KIAA0586: variants seen among roughly 807,000 people sequenced by gnomAD.
KIAA0586 encodes the protein KIAA0586.
KIAA0586 carries 144 observed loss-of-function variants against 169.8 expected under a neutral mutation model. That is an observed-to-expected ratio of 0.85 (90% confidence interval 0.74 to 0.97). The LOEUF (loss-of-function observed/expected upper bound fraction) is 0.97, where lower values mean the gene tolerates loss of function less well. Among genes scored for constraint, KIAA0586 ranks in the 50% least tolerant of loss-of-function variants. KIAA0586 has a pLI of 0.00. For synonymous variants in KIAA0586, 625 were observed against 612.4 expected (o/e 1.02, Z -0.30); for missense variants, 1,854 against 1,823.0 (o/e 1.02, Z -0.31).
Position 58,482,535 on chromosome 14 carries a change from C to G in KIAA0586, c.2967C>G (p.Ala989=). 2 of 1,546,054 alleles carry G rather than the reference C, an allele frequency of 1.3e-6. No homozygotes were observed. Among genetic ancestry groups the G allele is most frequent in the South Asian group, 2.5e-5 (2 of 80,966 alleles). Reference sequence around the variant, plus strand: ...TAGTGGAAGGAACAAGCAGTGGCGCCCTCCAGCTTTTTGTTGATGCTGGTG... The same window carrying G: ...TAGTGGAAGGAACAAGCAGTGGCGCGCTCCAGCTTTTTGTTGATGCTGGTG... ...SDIVEGTSSG[A]LQLFVDAGVP... is the part of the protein sequence containing the mutation. Residue 989 remains alanine, a synonymous_variant, in exon 21 of 31, where the codon GCC becomes GCG. Transcript: ENST00000652326.
chr14:58,531,162 CAAA>C (rs749963379), intron 29 of KIAA0586, among the ~76,000 whole-genome samples: 1 of 104,116 alleles, frequency 9.6e-6, no homozygotes, highest in Non-Finnish European at 2.0e-5. Context: ...CTAAAATGTA[CAAA>C]AAAAAAAAAA....
At chr14:58,476,432 C>G (rs935344775) in intron 19 of KIAA0586, among the ~76,000 whole-genome samples, 1 of 152,042 alleles carries the variant, frequency 6.6e-6, no homozygotes, top group Non-Finnish European at 1.5e-5. Context: ...GAAGAAAGGG[C>G]AGCTGGACAT....
At chr14:58,504,592 A>C (rs997742216) in intron 27 of KIAA0586, among the ~76,000 whole-genome samples, 1 of 152,228 alleles carries the variant, frequency 6.6e-6, no homozygotes, top group Non-Finnish European at 1.5e-5. Flanking sequence ...GCTTTCCACT[A>C]TAACAAAATT....
At chr14:58,553,538 T>G (rs1421344462), downstream of KIAA0586, among the ~76,000 whole-genome samples, 1 of 149,810 alleles carries the variant, frequency 6.7e-6, no homozygotes, top group East Asian at 1.9e-4. Flanking sequence ...ATATCTGGGT[T>G]TTTTTTTTTT....
Position 58,461,102 on chromosome 14 carries a change from T to G in KIAA0586, c.2001T>G (p.Phe667Leu). The G allele has an allele frequency of 6.2e-7, 1 of 1,611,912 alleles. No individual in the cohort carries two copies. Among genetic ancestry groups the G allele is most frequent in the South Asian group, 1.1e-5 (1 of 90,650 alleles). The change falls in exon 14 of 31, where the codon TTT (phenylalanine) becomes TTG (leucine). Residue 667 changes from phenylalanine to leucine, a missense_variant. Coordinates refer to ENST00000652326, the MANE Select transcript of KIAA0586 (RefSeq NM_001329943.3). ...TTAAAAAAGGACCATATCTCAGATT[T>G]AATTCTCCATCTCCTAAGTCCAGAC... ...STLKKGPYLR[F>L]NSPSPKSRPQ...
intron 6 of KIAA0586, among the ~76,000 whole-genome samples, chr14:58,444,812 G>A (rs1432282849): frequency 6.7e-6 from 1 of 148,958 alleles, no homozygotes; most frequent in East Asian, 2.0e-4. Flanking sequence ...TACTTGAACA[G>A]CTTTATAAAA....
intron 30 of KIAA0586, among the ~76,000 whole-genome samples, chr14:58,540,628 C>T (rs1231769099): frequency 2.6e-5 from 4 of 151,862 alleles, no homozygotes; most frequent in Non-Finnish European, 5.9e-5. Flanking sequence ...TTGTTTTTAC[C>T]TTAAATTATA....
At chr14:58,466,801 CATT>C (rs2040809405) in intron 15 of KIAA0586, among the ~76,000 whole-genome samples, 1 of 152,150 alleles carries the variant, frequency 6.6e-6, no homozygotes, top group South Asian at 2.1e-4. Flanking sequence ...TTGTTAATAT[CATT>C]ATGTCTTTGG....
intron 29 of KIAA0586, chr14:58,537,223 A>G (rs1254389824): frequency 3.0e-6 from 3 of 1,008,478 alleles, no homozygotes; most frequent in Middle Eastern, 2.7e-4. Flanking sequence ...ATACTGTGAT[A>G]GTGGCTTATT....
At chr14:58,450,050 A>G (rs531110633) in intron 7 of KIAA0586, among the ~76,000 whole-genome samples, 1 of 152,296 alleles carries the variant, frequency 6.6e-6, no homozygotes, top group South Asian at 2.1e-4. Flanking sequence ...TTTAACTTGT[A>G]ATGACTAAAG....
chr14:58,558,085 A>G, the KIAA0586 span, among the ~76,000 whole-genome samples: 1 of 150,846 alleles, frequency 6.6e-6, no homozygotes, highest in African/African-American at 2.4e-5. Context: ...AATTTTTTGT[A>G]TTTTTAGTTG....
the KIAA0586 span, among the ~76,000 whole-genome samples, chr14:58,560,589 G>A: frequency 6.6e-6 from 1 of 152,140 alleles, no homozygotes; most frequent in Admixed American, 6.5e-5. Context: ...GTTTCTCGTT[G>A]TTTCAGTTTA....
intron 5 of KIAA0586, among the ~76,000 whole-genome samples, chr14:58,443,572 C>T (rs1301593519): frequency 5.3e-5 from 8 of 152,024 alleles, no homozygotes; most frequent in Non-Finnish European, 1.0e-4. Context: ...ACAGGCCGCA[C>T]GCCACCATGC....
intron 21 of KIAA0586, 134 bp from the exon 22 acceptor site, chr14:58,486,873 G>A (rs1041494353): frequency 1.7e-6 from 1 of 577,114 alleles, no homozygotes; most frequent in Non-Finnish European, 2.8e-6. Context: ...AACAGGTAGA[G>A]GTTCAAGAGG....
Position 58,527,331 on chromosome 14 carries a change from T to C in KIAA0586, c.4430-12740T>C, listed in dbSNP as rs1376341813. On this transcript the variant is annotated intron_variant, in intron 29 of 30. Transcript: ENST00000652326. The stretch of plus-strand genomic sequence containing the variant: ...CCCAACCTAGCAAGACAGGCCAACA[T>C]TGAAATTCAGGAAATATAGAGCATA... 2.6e-5 allele frequency among the ~76,000 whole-genome samples: 4 copies of C among 152,086 alleles called. No individual in the cohort carries two copies. The South Asian group carries it at 6.2e-4, about 24-fold the overall frequency.
At chr14:58,466,146 ACT>A in intron 15 of KIAA0586, 117 bp downstream of exon 15, 2 of 700,816 alleles carry the variant, frequency 2.9e-6, no homozygotes, top group Admixed American at 6.0e-5. Flanking sequence ...GAACTCCTGG[ACT>A]CAAGCAGTCC....
At chr14:58,443,924 G>T (rs1397473140) in intron 5 of KIAA0586, 30 bp from the exon 6 acceptor site, 2 of 1,378,836 alleles carry the variant, frequency 1.5e-6, no homozygotes, top group Non-Finnish European at 2.0e-6. Flanking sequence ...CCTATAATGT[G>T]AATTTTTAAA....
chr14:58,451,345 G>T (rs1340186207), intron 8 of KIAA0586, among the ~76,000 whole-genome samples: 1 of 152,102 alleles, frequency 6.6e-6, no homozygotes, highest in East Asian at 1.9e-4. Context: ...TCCCACTTCA[G>T]CCTCCTGAGT....
At chr14:58,546,209 G>A (rs989488469) in intron 30 of KIAA0586, among the ~76,000 whole-genome samples, 1 of 151,980 alleles carries the variant, frequency 6.6e-6, no homozygotes, top group Non-Finnish European at 1.5e-5. Flanking sequence ...TGATATTGCT[G>A]TAATGATACC....
Sources: gnomAD v4.1 joint callset for allele counts (sites outside exome capture counted in the v4.1 genomes callset) on GRCh38, gnomAD v4.1.1 for gene constraint, MANE v1.5 for transcripts, NCBI Gene and HGNC (gene_info 2026-07-23, HGNC 2026-07-21) for gene names.